Variants in B4GALT1 observed in about 807,000 individuals in gnomAD.
B4GALT1 encodes beta-1,4-galactosyltransferase 1.
In B4GALT1, 16 loss-of-function variants were observed where a neutral mutation model predicts 34.9. The ratio of observed to expected loss-of-function variants is 0.46; its 90% confidence interval spans 0.31 to 0.70. The LOEUF is 0.70. Ranked by LOEUF, B4GALT1 falls within the 30% of genes least tolerant of loss-of-function variation. The pLI, the probability that B4GALT1 is intolerant of heterozygous loss-of-function variation, is 0.05. For missense variants in B4GALT1, 445 were observed against 530.5 expected, an observed-to-expected ratio of 0.84 and a Z score of 1.58; for synonymous variants, 221 against 218.1, an observed-to-expected ratio of 1.01 and a Z score of -0.12.
At chr9:33,175,020 T>TATATATATATATATATATATATAA in the B4GALT1 span, among the ~76,000 whole-genome samples, 31 of 39,060 alleles carry the variant, frequency 7.9e-4, 2 homozygotes, top group Non-Finnish European at 1.3e-3. Context: ...TATATATATA[T>TATATATATATATATATATATATAA]AAAATTGGAG....
At chr9:33,113,951 C>T in intron 4 of B4GALT1, 73 bp from the exon 5 acceptor site, 1 of 1,368,294 alleles carries the variant, frequency 7.3e-7, no homozygotes, top group Admixed American at 1.7e-5. Context: ...GGCTGCAAGA[C>T]TGTTGCTCCA....
At chr9:33,131,253 CTA>C (rs1840190387) in intron 2 of B4GALT1, among the ~76,000 whole-genome samples, 1 of 152,208 alleles carries the variant, frequency 6.6e-6, no homozygotes, top group East Asian at 1.9e-4. Flanking sequence ...CTACTGTTGT[CTA>C]TGTGACTTTC....
chr9:33,146,426 C>A (rs1212064240), intron 1 of B4GALT1, among the ~76,000 whole-genome samples: 1 of 152,216 alleles, frequency 6.6e-6, no homozygotes, highest in African/African-American at 2.4e-5. Flanking sequence ...AGGCATCTGG[C>A]ATTTTATTTT....
chr9:33,143,556 G>A (rs1312052754), intron 1 of B4GALT1, among the ~76,000 whole-genome samples: 2 of 152,240 alleles, frequency 1.3e-5, no homozygotes, highest in Non-Finnish European at 2.9e-5. Context: ...GAATTTACAG[G>A]TTCTTGAGTC....
chr9:33,178,740 C>A, the B4GALT1 span, among the ~76,000 whole-genome samples: 1 of 152,234 alleles, frequency 6.6e-6, no homozygotes, highest in Non-Finnish European at 1.5e-5. Context: ...GAAAGGCCAA[C>A]AGAAGCCTGG....
At position 33,167,087 on chromosome 9, in the gene B4GALT1, G is replaced by T; in HGVS notation, c.83C>A (p.Ala28Asp). Reference protein sequence around the residue: ...SLQRACRLLVAVCALHLGVTL... With the variant: ...SLQRACRLLVDVCALHLGVTL... ...GACGCCAAGGTGCAGAGCGCAGACGGCCACGAGCAGGCGGCAGGCCCGCTG... is the reference window on the plus strand; with the variant it reads ...GACGCCAAGGTGCAGAGCGCAGACGTCCACGAGCAGGCGGCAGGCCCGCTG... Residue 28 changes from alanine (A) to aspartate (D), a missense_variant, in exon 1 of 6, where the codon GCC (alanine) becomes GAC (aspartate). By Grantham distance (126) the Ala-to-Asp change is moderately radical (BLOSUM62 -2). Coordinates refer to ENST00000379731, the MANE Select transcript of B4GALT1 (RefSeq NM_001497.4). 6.2e-7 allele frequency: 1 copy of T among 1,604,488 alleles called. No homozygotes were observed.
chr9:33,167,432 C>T, upstream of B4GALT1: 2 of 147,028 alleles, frequency 1.4e-5, no homozygotes, highest in Non-Finnish European at 2.7e-5. Flanking sequence ...TGGACGAGGG[C>T]GGGAAGGCGG....
chr9:33,149,780 A>T (rs190716219), intron 1 of B4GALT1, among the ~76,000 whole-genome samples: 9 of 152,258 alleles, frequency 5.9e-5, no homozygotes, highest in Non-Finnish European at 1.0e-4. Flanking sequence ...CCTGAATCTG[A>T]TCAGGAGGAA....
the B4GALT1 span, among the ~76,000 whole-genome samples, chr9:33,182,975 A>T: frequency 6.6e-6 from 1 of 152,198 alleles, no homozygotes; most frequent in Non-Finnish European, 1.5e-5. Flanking sequence ...CACCTCCTGC[A>T]GGATTAAAGG....
At chr9:33,105,167 T>C (rs924158991) in intron 2 of B4GALT1, among the ~76,000 whole-genome samples, 22 of 151,818 alleles carry the variant, frequency 1.4e-4, no homozygotes, top group African/African-American at 5.1e-4. Flanking sequence ...GAGATGGAGT[T>C]TCACTCTTGT....
chr9:33,168,627 CCTT>C (rs1270208349), upstream of B4GALT1, among the ~76,000 whole-genome samples: 1 of 152,224 alleles, frequency 6.6e-6, no homozygotes, highest in African/African-American at 2.4e-5. Flanking sequence ...GACACCAGGT[CCTT>C]CTGATCTTCC....
intron 2 of B4GALT1, among the ~76,000 whole-genome samples, chr9:33,127,621 G>A (rs760328350): frequency 8.5e-4 from 130 of 152,224 alleles, no homozygotes; most frequent in Non-Finnish European, 1.2e-3. Flanking sequence ...TTACACTCAC[G>A]GAAAATTGGA....
At chr9:33,164,752 C>T (rs894096254) in intron 1 of B4GALT1, among the ~76,000 whole-genome samples, 3 of 152,156 alleles carry the variant, frequency 2.0e-5, no homozygotes, top group African/African-American at 7.2e-5. Flanking sequence ...TTTTGTTTAA[C>T]TTGCTAATTA....
At chr9:33,128,738 G>T (rs1840149229) in intron 2 of B4GALT1, among the ~76,000 whole-genome samples, 1 of 152,188 alleles carries the variant, frequency 6.6e-6, no homozygotes, top group South Asian at 2.1e-4. Context: ...CGGGATGGGG[G>T]GATGGTAGAG....
At chr9:33,140,034 C>T (rs189668925) in intron 1 of B4GALT1, among the ~76,000 whole-genome samples, 5 of 152,384 alleles carry the variant, frequency 3.3e-5, no homozygotes, top group East Asian at 1.9e-4. Context: ...CGCTCAATAA[C>T]TTCAATGTGT....
At chr9:33,143,951 C>T (rs751524139) in intron 1 of B4GALT1, among the ~76,000 whole-genome samples, 2 of 151,572 alleles carry the variant, frequency 1.3e-5, no homozygotes, top group Non-Finnish European at 1.5e-5. Context: ...CAGCTCACTG[C>T]AGCCTCAAAC....
the B4GALT1 span, among the ~76,000 whole-genome samples, chr9:33,173,231 C>T: frequency 6.6e-6 from 1 of 152,120 alleles, no homozygotes; most frequent in African/African-American, 2.4e-5. Flanking sequence ...TGTTGAAACC[C>T]CATCTCTACC....
At position 33,150,355 on chromosome 9, in the gene B4GALT1, T is replaced by C. The variant is rs1480183158; in HGVS notation, c.413-14931A>G. On this transcript the variant is annotated intron_variant, in intron 1 of 5. Transcript: ENST00000379731. ...CTCCAAAGGATATCCAGGAATTCTT[T>C]GTATTAGTCTAACAACTTTTCTGTA... Among the ~76,000 whole-genome samples, 6 of 151,914 alleles carry C rather than the reference T, an allele frequency of 3.9e-5. 1 individual carries two copies. In the East Asian group the frequency reaches 9.6e-4, roughly 24 times the overall value.
chr9:33,154,996 C>T (rs371115647), intron 1 of B4GALT1, among the ~76,000 whole-genome samples: 5 of 152,282 alleles, frequency 3.3e-5, no homozygotes, highest in African/African-American at 1.2e-4. Context: ...AATCCTGGCT[C>T]TTAGGGCCCA....
Sources: gnomAD v4.1 joint callset for allele counts (sites outside exome capture counted in the v4.1 genomes callset) on GRCh38, gnomAD v4.1.1 for gene constraint, MANE v1.5 for transcripts, NCBI Gene and HGNC (gene_info 2026-07-23, HGNC 2026-07-21) for gene names.